ZFP64: variants seen among roughly 807,000 people sequenced by gnomAD.
ZFP64 encodes the protein ZFP64 zinc finger protein.
Under a neutral mutation model 51.6 loss-of-function variants are expected in ZFP64, and 14 were observed. The observed-to-expected ratio is 0.27, with a 90% confidence interval of 0.18 to 0.42. The LOEUF is 0.42. Among genes scored for constraint, ZFP64 ranks in the 10% least tolerant of loss-of-function variants. The pLI is 1.00. For synonymous variants in ZFP64, 375 were observed against 361.4 expected, an observed-to-expected ratio of 1.04 and a Z score of -0.43; for missense variants, 754 against 906.8, an observed-to-expected ratio of 0.83 and a Z score of 2.16.
rs1368347574 is a variant in ZFP64, at chr20:52,191,470, G to A, written c.46+121C>T. The A allele has an allele frequency of 8.0e-7, 1 of 1,244,866 alleles. No homozygotes were observed. Among genetic ancestry groups the A allele is most frequent in the Non-Finnish European group, 1.0e-6 (1 of 964,936 alleles). 77.1% of individuals were successfully genotyped at this position (1,244,866 alleles called of 1,614,324 possible). A position where few individuals can be genotyped will look rare whatever the true frequency, so the allele number is the denominator to read the frequency against. On this transcript the variant is annotated intron_variant, in intron 1 of 5. Coordinates refer to ENST00000216923, the MANE Select transcript of ZFP64 (RefSeq NM_018197.3). The surrounding 1 kb of genome is among the most constrained non-coding windows in gnomAD (Gnocchi z 4.3). ...GCCGCGGTCCCCGAGACGCGGCTCC[G>A]AGCCGTCACCCCGATTTCGGGGCCC...
intron 5 of ZFP64, among the ~76,000 whole-genome samples, chr20:52,142,141 C>T (rs6021732): frequency 0.19 from 28,617 of 151,816 alleles, 3,073 homozygotes; most frequent in Admixed American, 0.26. Flanking sequence ...CCAAGGTTTG[C>T]GGATGACCTG....
At chr20:52,094,804 T>C (rs1045394542) in intron 7 of ZFP64, among the ~76,000 whole-genome samples, 3 of 152,160 alleles carry the variant, frequency 2.0e-5, no homozygotes, top group Non-Finnish European at 4.4e-5. Context: ...ACAACCACTA[T>C]TCCCAGTTAA....
At chr20:52,168,961 T>C (rs935033335) in intron 2 of ZFP64, among the ~76,000 whole-genome samples, 1 of 152,252 alleles carries the variant, frequency 6.6e-6, no homozygotes, top group African/African-American at 2.4e-5. Context: ...GACTGCCTGC[T>C]GGTTGACAGA....
At chr20:52,117,808 A>T (rs1460312938) in intron 5 of ZFP64, 1 of 400,876 alleles carries the variant, frequency 2.5e-6, no homozygotes, top group Non-Finnish European at 5.0e-6. Flanking sequence ...TCTTTTTGAG[A>T]TGGAGTCTCC....
At chr20:52,164,845 T>C (rs559327323) in intron 3 of ZFP64, 88 bp from the exon 4 acceptor site, 55 of 1,077,470 alleles carry the variant, frequency 5.1e-5, no homozygotes, top group Non-Finnish European at 7.4e-5. Flanking sequence ...CTTAACCAAG[T>C]GACAAGAGTT....
intron 5 of ZFP64, among the ~76,000 whole-genome samples, chr20:52,109,205 C>T (rs112459103): frequency 0.011 from 1,709 of 151,890 alleles, 26 homozygotes; most frequent in African/African-American, 0.039. Context: ...GGCTGGAGTG[C>T]AGTGGCATGA....
chr20:52,141,436 G>C (rs900183458), intron 5 of ZFP64, among the ~76,000 whole-genome samples: 5 of 152,076 alleles, frequency 3.3e-5, no homozygotes, highest in African/African-American at 4.8e-5. Flanking sequence ...ATGATTCTTG[G>C]GGGGAGGTCA....
At chr20:52,147,057 T>A (rs1600751784), downstream of ZFP64, among the ~76,000 whole-genome samples, 1 of 152,350 alleles carries the variant, frequency 6.6e-6, no homozygotes, top group East Asian at 1.9e-4. Context: ...GCTACCCTGA[T>A]AAGTAAAACT....
rs117481684 is a variant in ZFP64, at chr20:52,097,374, C to T, written c.975G>A (p.Thr325=). Residue 325 remains threonine (T), a splice_region_variant and synonymous_variant, in exon 7 of 9, where the codon ACG becomes ACA. Coordinates refer to the ZFP64 transcript ENST00000361387. ...CTGTTGAACAGAATGGATACCTACC[C>T]GTGTGGATTCTGAGATGGCGGTCCA... 1,254 of 1,613,038 alleles carry T rather than the reference C, an allele frequency of 7.8e-4. 17 individuals are homozygous for T. The East Asian group carries it at 0.026, about 33-fold the overall frequency.
At chr20:52,155,076 T>C (rs1981195172) in intron 5 of ZFP64, among the ~76,000 whole-genome samples, 2 of 152,192 alleles carry the variant, frequency 1.3e-5, no homozygotes, top group African/African-American at 4.8e-5. Flanking sequence ...AAGAAACTAA[T>C]TATATTAAAA....
intron 1 of ZFP64, among the ~76,000 whole-genome samples, chr20:52,188,340 A>T: frequency 8.6e-6 from 1 of 116,728 alleles, no homozygotes. Context: ...TTTGAGACAG[A>T]GTCTTGCTCT....
Position 52,152,538 on chromosome 20 carries a change from G to C in ZFP64, c.1654C>G (p.Pro552Ala), listed in dbSNP as rs114019425. 46 of 1,588,342 alleles carry C rather than the reference G, an allele frequency of 2.9e-5. No homozygotes were observed. The highest frequency in any genetic ancestry group is 8.0e-5 in the South Asian group (7 of 87,008). ...ILRQVSLIAP[P>A]QSSRCPSEAG... ...TCGCTCGGACACCGCGAGGACTGAG[G>C]GGGGGCGATCAGACTGACCTGGCGC... is the stretch of plus-strand genomic sequence containing the variant. Residue 552 changes from proline to alanine, a missense_variant, in exon 6 of 6, where the codon CCT (proline) becomes GCT (alanine). Pro to Ala is a conservative substitution (Grantham distance 27). Transcript: ENST00000216923.
intron 5 of ZFP64, among the ~76,000 whole-genome samples, chr20:52,103,960 GA>G (rs1223869568): frequency 1.5e-4 from 23 of 152,226 alleles, no homozygotes; most frequent in African/African-American, 5.3e-4. Flanking sequence ...GGTGGAAGTT[GA>G]TGCGGAAGCT....
intron 5 of ZFP64, among the ~76,000 whole-genome samples, chr20:52,140,532 C>G (rs1198460532): frequency 6.6e-6 from 1 of 152,150 alleles, no homozygotes; most frequent in Non-Finnish European, 1.5e-5. Flanking sequence ...AAAGCCTAAT[C>G]CAGAGCAAGG....
intron 5 of ZFP64, among the ~76,000 whole-genome samples, chr20:52,111,506 T>G (rs1429374633): frequency 6.6e-6 from 1 of 151,796 alleles, no homozygotes; most frequent in Non-Finnish European, 1.5e-5. Context: ...TGAGCCACCT[T>G]GCCCAGAATC....
At chr20:52,142,867 G>GCA (rs1980347664) in intron 5 of ZFP64, among the ~76,000 whole-genome samples, 1 of 105,412 alleles carries the variant, frequency 9.5e-6, no homozygotes, top group Non-Finnish European at 2.1e-5. Context: ...AAGCAAAAAA[G>GCA]AGGAAGAGTC....
In ZFP64 at chr20:52,191,509, T is replaced by C; in HGVS notation, c.46+82A>G. ...ATTTCGGGGCCCCGGGCCTGCTGGCTGCGTCGCAGACGTGCTTGGGCCCGG... is the reference window on the plus strand; with the variant it reads ...ATTTCGGGGCCCCGGGCCTGCTGGCCGCGTCGCAGACGTGCTTGGGCCCGG... On this transcript the variant is annotated intron_variant, in intron 1 of 5. Transcript: ENST00000216923. The surrounding 1 kb of genome is among the most constrained non-coding windows in gnomAD (Gnocchi z 4.3). The C allele has an allele frequency of 1.4e-6, 2 of 1,415,350 alleles. No individual in the cohort carries two copies. Among genetic ancestry groups the C allele is most frequent in the East Asian group, 3.0e-5 (1 of 33,076 alleles). 87.7% of individuals were successfully genotyped at this position (1,415,350 alleles called of 1,614,324 possible).
At chr20:52,178,399 T>C (rs1489605683) in intron 2 of ZFP64, among the ~76,000 whole-genome samples, 1 of 152,192 alleles carries the variant, frequency 6.6e-6, no homozygotes, top group African/African-American at 2.4e-5. Context: ...GGATAATAAT[T>C]ATTATTACCT....
intron 5 of ZFP64, among the ~76,000 whole-genome samples, chr20:52,157,747 T>C (rs1983989251): frequency 6.6e-6 from 1 of 152,176 alleles, no homozygotes; most frequent in African/African-American, 2.4e-5. Context: ...GGTACACACG[T>C]GCCATGGTGG....
Sources: gnomAD v4.1 joint callset for allele counts (sites outside exome capture counted in the v4.1 genomes callset) on GRCh38, gnomAD v4.1.1 for gene constraint, Gnocchi (gnomAD v3.1) non-coding constraint, MANE v1.5 for transcripts, NCBI Gene and HGNC (gene_info 2026-07-23, HGNC 2026-07-21) for gene names.